The following ZDHHC15 variants were observed in gnomAD, a reference collection of about 807,000 sequenced individuals.
ZDHHC15 encodes the protein palmitoyltransferase ZDHHC15.
A neutral mutation model predicts 31.7 loss-of-function variants in ZDHHC15; 19 were observed. That is an observed-to-expected ratio of 0.60 (90% CI 0.42 to 0.88). ZDHHC15 has a LOEUF of 0.88. Ranked by LOEUF, ZDHHC15 falls within the 40% of genes least tolerant of loss-of-function variation. The probability of loss-of-function intolerance (pLI) is 0.00; values close to 1 mark genes in which losing one functional copy is unlikely to be tolerated. For missense variants in ZDHHC15, 209 were observed against 251.2 expected, an observed-to-expected ratio of 0.83 and a Z score of 1.14; for synonymous variants, 103 against 90.0, an observed-to-expected ratio of 1.14 and a Z score of -0.82.
At position 75,386,103 on chromosome X, in the gene ZDHHC15, C is replaced by T. The variant is rs188302674; in HGVS notation, c.968-6905G>A. Among the ~76,000 whole-genome samples, 381 of 111,861 alleles carry T rather than the reference C, an allele frequency of 3.4e-3. 1 individual carries two copies. The highest frequency in any genetic ancestry group is 0.012 in the African/African-American group (361 of 30,803). On this transcript the variant is annotated intron_variant, in intron 10 of 11. Transcript: ENST00000373367. ...ATAAAGTACCAGATTGAAAATAAAT[C>T]AGAAATTTCTTCTACTGTGGGCAGT...
intron 1 of ZDHHC15, among the ~76,000 whole-genome samples, chrX:75,514,391 C>A (rs1259937813): frequency 3.6e-5 from 4 of 111,989 alleles, no homozygotes; most frequent in Non-Finnish European, 7.5e-5. Flanking sequence ...GTTTTGTATA[C>A]TATTAAATTA....
intron 1 of ZDHHC15, among the ~76,000 whole-genome samples, chrX:75,506,438 A>G (rs911729754): frequency 1.8e-5 from 2 of 111,805 alleles, no homozygotes; most frequent in African/African-American, 6.5e-5. Context: ...CTTCACATAT[A>G]GGTCTATTTT....
intron 3 of ZDHHC15, among the ~76,000 whole-genome samples, chrX:75,454,780 T>C (rs918566141): frequency 9.1e-6 from 1 of 110,239 alleles, no homozygotes; most frequent in African/African-American, 3.3e-5. Context: ...AAAATAAAAA[T>C]GAAAAAATAC....
At position 75,522,788 on chromosome X, in the gene ZDHHC15, A is replaced by G. The variant is rs550605174; in HGVS notation, c.136+101T>C. ...CTCCAGGGAGAGAAAGGAAAACCGC[A>G]GAGAGAAGGCTTGAGAACACAAGGG... On this transcript the variant is annotated intron_variant, in intron 1 of 11. Transcript: ENST00000373367. The G allele has an allele frequency of 1.0e-5, 11 of 1,073,552 alleles. No homozygotes were observed. In the African/African-American group the frequency reaches 1.7e-4, roughly 16 times the overall value. The allele number at this position is 1,073,552 out of a possible 1,213,427, so 88.5% of individuals were successfully genotyped here.
intron 3 of ZDHHC15, among the ~76,000 whole-genome samples, chrX:75,476,777 TC>T (rs1234220817): frequency 1.9e-5 from 2 of 103,275 alleles, no homozygotes; most frequent in Non-Finnish European, 3.9e-5. Context: ...TTCTCTTCCC[TC>T]CTTCTCTCCT....
intron 4 of ZDHHC15, among the ~76,000 whole-genome samples, chrX:75,431,876 T>C (rs2083784401): frequency 1.8e-5 from 2 of 111,938 alleles, no homozygotes; most frequent in Non-Finnish European, 1.9e-5. Context: ...AAATAAGGAT[T>C]CACAGTTTAT....
chrX:75,521,430 G>C (rs1004529972), intron 1 of ZDHHC15, among the ~76,000 whole-genome samples: 2 of 110,580 alleles, frequency 1.8e-5, no homozygotes, highest in Non-Finnish European at 3.8e-5. Context: ...GTTGATGAGA[G>C]CATTGCAAGG....
chrX:75,491,545 C>T (rs947940968), intron 2 of ZDHHC15, among the ~76,000 whole-genome samples: 1 of 107,825 alleles, frequency 9.3e-6, no homozygotes, highest in Non-Finnish European at 1.9e-5. Context: ...CTAATGGGTG[C>T]AGCACACCAG....
chrX:75,488,007 C>T (rs1385716901), intron 2 of ZDHHC15, among the ~76,000 whole-genome samples: 20 of 112,057 alleles, frequency 1.8e-4, no homozygotes, highest in Admixed American at 1.6e-3. Flanking sequence ...TGAACAAAGC[C>T]TTCAAAGATT....
chrX:75,513,416 C>G (rs1296324649), intron 1 of ZDHHC15, among the ~76,000 whole-genome samples: 1 of 111,751 alleles, frequency 8.9e-6, no homozygotes, highest in African/African-American at 3.3e-5. Flanking sequence ...TTGCAGAACT[C>G]TGGAATCTAG....
intron 2 of ZDHHC15, among the ~76,000 whole-genome samples, chrX:75,498,032 C>G (rs1330545309): frequency 9.3e-6 from 1 of 108,044 alleles, no homozygotes; most frequent in Admixed American, 1.0e-4. Flanking sequence ...CTCCTGGGTT[C>G]AAGCGATTCT....
At chrX:75,449,199 TATACACACACAC>T (rs750099517) in intron 4 of ZDHHC15, among the ~76,000 whole-genome samples, 4 of 8,440 alleles carry the variant, frequency 4.7e-4, no homozygotes, top group Admixed American at 3.9e-3. Context: ...TCTCTCTCTC[TATACACACACAC>T]ACACACACAC....
At chrX:75,491,226 C>T (rs1485860642) in intron 2 of ZDHHC15, among the ~76,000 whole-genome samples, 3 of 110,295 alleles carry the variant, frequency 2.7e-5, no homozygotes, top group Admixed American at 9.7e-5. Flanking sequence ...GGAACCAACC[C>T]AAATGTCCAA....
chrX:75,477,061 C>T (rs749145141), intron 3 of ZDHHC15, among the ~76,000 whole-genome samples: 2 of 111,126 alleles, frequency 1.8e-5, no homozygotes, highest in South Asian at 7.5e-4. Context: ...CCCCTAATTT[C>T]TGTTAAGTTT....
chrX:75,483,884 C>T (rs547280493), intron 2 of ZDHHC15, among the ~76,000 whole-genome samples: 8 of 111,264 alleles, frequency 7.2e-5, no homozygotes, highest in East Asian at 2.9e-4. Context: ...ATGGTGGGTA[C>T]GGATTTGTAA....
At chrX:75,387,682 C>T (rs1032747692) in intron 10 of ZDHHC15, among the ~76,000 whole-genome samples, 1 of 111,569 alleles carries the variant, frequency 9.0e-6, no homozygotes, top group Non-Finnish European at 1.9e-5. Context: ...AAACATCAAA[C>T]GTAAGAATTA....
intron 1 of ZDHHC15, among the ~76,000 whole-genome samples, chrX:75,508,617 T>G (rs772386828): frequency 1.0e-4 from 11 of 110,357 alleles, no homozygotes; most frequent in African/African-American, 3.0e-4. Context: ...CACGTGTGCA[T>G]GTGTCTTTAT....
chrX:75,426,152 T>C (rs1418110033), intron 7 of ZDHHC15, among the ~76,000 whole-genome samples: 2 of 112,783 alleles, frequency 1.8e-5, no homozygotes, highest in Non-Finnish European at 3.8e-5. Context: ...TTCCATACAT[T>C]GCTTTGCAGT....
At chrX:75,374,165 A>C (rs1602530375) in intron 11 of ZDHHC15, among the ~76,000 whole-genome samples, 1 of 109,279 alleles carries the variant, frequency 9.2e-6, no homozygotes, top group African/African-American at 3.3e-5. Flanking sequence ...CTCACTCATA[A>C]GTGGGAGTTG....
Sources: gnomAD v4.1 joint callset for allele counts (sites outside exome capture counted in the v4.1 genomes callset) on GRCh38, gnomAD v4.1.1 for gene constraint, MANE v1.5 for transcripts, NCBI Gene and HGNC (gene_info 2026-07-23, HGNC 2026-07-21) for gene names.